The following TRPC5 variants were observed in gnomAD, a reference collection of about 807,000 sequenced individuals.
TRPC5 encodes the protein transient receptor potential cation channel subfamily C member 5, also known as short transient receptor potential channel 5.
A neutral mutation model predicts 56.5 loss-of-function variants in TRPC5; 9 were observed. That is an observed-to-expected ratio of 0.16 (90% CI 0.10 to 0.28). The LOEUF is 0.28. Among genes scored for constraint, TRPC5 ranks in the 10% least tolerant of loss-of-function variants. The pLI is 1.00. For synonymous variants in TRPC5, 282 were observed against 278.5 expected, an observed-to-expected ratio of 1.01 and a Z score of -0.13; for missense variants, 469 against 748.9, an observed-to-expected ratio of 0.63 and a Z score of 4.36.
rs1927204821 is a variant in TRPC5 at position 111,955,391 on chromosome X, G to T, written c.-21-2950C>A. Among the ~76,000 whole-genome samples the T allele has an allele frequency of 2.7e-5, 3 of 111,901 alleles. No individual in the cohort carries two copies. In the Admixed American group the frequency reaches 2.9e-4, roughly 11 times the overall value. On this transcript the variant is annotated intron_variant, in intron 1 of 10. Coordinates refer to ENST00000262839, the MANE Select transcript of TRPC5 (RefSeq NM_012471.3). The stretch of plus-strand genomic sequence containing the variant: ...ATATTAACATGAATTCCCTCATTAG[G>T]AACGTTGCTGTGACTTTGGAATTAA...
intron 7 of TRPC5, among the ~76,000 whole-genome samples, chrX:111,801,982 C>G (rs1921325671): frequency 9.0e-6 from 1 of 111,685 alleles, no homozygotes; most frequent in African/African-American, 3.3e-5. Flanking sequence ...AAGATTTACT[C>G]CTAGGTTTTC....
At chrX:111,979,888 G>A (rs1160158332) in intron 1 of TRPC5, among the ~76,000 whole-genome samples, 1 of 111,621 alleles carries the variant, frequency 9.0e-6, no homozygotes. Context: ...TGAAAAAATG[G>A]TACATCTTTG....
chrX:112,017,249 G>A (rs1382577645), intron 1 of TRPC5, among the ~76,000 whole-genome samples: 2 of 111,021 alleles, frequency 1.8e-5, no homozygotes, highest in East Asian at 2.8e-4. Context: ...TCTTGACCTC[G>A]TGATCCGCCC....
At chrX:112,054,199 A>G (rs191042577) in intron 1 of TRPC5, among the ~76,000 whole-genome samples, 1 of 112,056 alleles carries the variant, frequency 8.9e-6, no homozygotes, top group Admixed American at 9.5e-5. Context: ...AAGGTGGAGC[A>G]GAGGAATATG....
intron 3 of TRPC5, among the ~76,000 whole-genome samples, chrX:111,906,263 G>A (rs1341413652): frequency 9.2e-6 from 1 of 108,854 alleles, no homozygotes; most frequent in Non-Finnish European, 1.9e-5. Flanking sequence ...GCTGAGGCAT[G>A]AGAATAGCTT....
Position 111,779,035 on chromosome X carries a change from T to C in TRPC5, c.2182A>G (p.Met728Val). Reference protein sequence around the residue: ...RNLVKRYVAAMIRNSKTHEGL... With the variant: ...RNLVKRYVAAVIRNSKTHEGL... The stretch of plus-strand genomic sequence containing the variant: ...TCATGTGTTTTGGAATTTCTTATCA[T>C]AGCAGCCACATATCTTTTGACTAAA... The change falls in exon 10 of 11, where the codon ATG (methionine) becomes GTG (valine). Residue 728 changes from methionine to valine, a missense_variant. This residue lies in a region of TRPC5 where 194 missense variants were observed against 221.8 expected (regional missense o/e 0.87). Transcript: ENST00000262839. 1 of 1,205,452 alleles carries C rather than the reference T, an allele frequency of 8.3e-7. No individual in the cohort carries two copies. The highest frequency in any genetic ancestry group is 1.7e-5 in the African/African-American group (1 of 57,691).
intron 1 of TRPC5, among the ~76,000 whole-genome samples, chrX:112,023,614 G>A (rs900627532): frequency 9.0e-6 from 1 of 111,131 alleles, no homozygotes; most frequent in African/African-American, 3.3e-5. Flanking sequence ...CCTTGGACTT[G>A]GCTTGCCATT....
chrX:111,856,538 A>AAATAATAATAATAATAAT lies in TRPC5; in HGVS notation c.901-2450_901-2433dup, dbSNP rs750089190. 6.8e-3 allele frequency among the ~76,000 whole-genome samples: 647 copies of AAATAATAATAATAATAAT among 95,132 alleles called. 16 individuals carry two copies. Among genetic ancestry groups the AAATAATAATAATAATAAT allele is most frequent in the African/African-American group, 0.025 (560 of 22,527 alleles). 82.6% of individuals were successfully genotyped at this position (95,132 alleles called of 115,157 possible). On this transcript the variant is annotated intron_variant, in intron 3 of 10. Transcript: ENST00000262839. ...TGGGTAACAGAGTGAGCCCTGTCTC[A>AAATAATAATAATAATAAT]AATAATAATAATAATAATAATAATA...
chrX:111,859,485 C>T (rs1015614314), intron 3 of TRPC5, among the ~76,000 whole-genome samples: 21 of 112,264 alleles, frequency 1.9e-4, no homozygotes, highest in Admixed American at 1.5e-3. Flanking sequence ...CCTTTTAAAT[C>T]GGCTTTGATG....
intron 2 of TRPC5, among the ~76,000 whole-genome samples, chrX:111,944,361 A>C (rs6567995): frequency 0.25 from 26,819 of 105,742 alleles, 4,838 homozygotes; most frequent in African/African-American, 0.62. Context: ...GGTTTGAAAT[A>C]CAACCTGCAC....
chrX:111,998,564 G>T (rs891749191), intron 1 of TRPC5, among the ~76,000 whole-genome samples: 1 of 111,896 alleles, frequency 8.9e-6, no homozygotes, highest in African/African-American at 3.3e-5. Flanking sequence ...CAAAAAGTCA[G>T]CCCTCTGTAT....
At chrX:111,832,468 C>G (rs1343834922) in intron 7 of TRPC5, among the ~76,000 whole-genome samples, 1 of 111,867 alleles carries the variant, frequency 8.9e-6, no homozygotes, top group African/African-American at 3.3e-5. Flanking sequence ...AACCTTTCTC[C>G]CTATATCAAG....
At chrX:111,893,623 C>G (rs1048266267) in intron 3 of TRPC5, among the ~76,000 whole-genome samples, 10 of 111,878 alleles carry the variant, frequency 8.9e-5, no homozygotes, top group African/African-American at 3.2e-4. Flanking sequence ...TTTAAATTGA[C>G]CATAAGGACA....
intron 1 of TRPC5, among the ~76,000 whole-genome samples, chrX:111,954,518 G>A (rs1927177641): frequency 8.9e-6 from 1 of 111,822 alleles, no homozygotes. Flanking sequence ...TGATGGGTTG[G>A]GGGGAATGCA....
chrX:111,947,048 C>T (rs183885019), intron 2 of TRPC5, among the ~76,000 whole-genome samples: 9 of 111,540 alleles, frequency 8.1e-5, no homozygotes, highest in African/African-American at 2.9e-4. Context: ...TGAGGTGGAC[C>T]GAGTCAGGTC....
chrX:112,026,675 A>T (rs576878821), intron 1 of TRPC5, among the ~76,000 whole-genome samples: 1 of 110,933 alleles, frequency 9.0e-6, no homozygotes, highest in South Asian at 3.9e-4. Context: ...TTCAGTTCTT[A>T]TAGTCTATGC....
intron 1 of TRPC5, among the ~76,000 whole-genome samples, chrX:111,995,529 A>C (rs1603136350): frequency 1.8e-5 from 2 of 111,527 alleles, no homozygotes; most frequent in Non-Finnish European, 1.9e-5. Context: ...GAATAGTTTC[A>C]GAAGGAATGG....
intron 1 of TRPC5, among the ~76,000 whole-genome samples, chrX:112,072,558 CT>C (rs1261977265): frequency 9.0e-6 from 1 of 111,706 alleles, no homozygotes; most frequent in Non-Finnish European, 1.9e-5. Context: ...TTCTACCCTC[CT>C]ATCACCTCAC....
intron 7 of TRPC5, among the ~76,000 whole-genome samples, chrX:111,831,687 A>C: frequency 8.9e-6 from 1 of 112,055 alleles, no homozygotes; most frequent in Non-Finnish European, 1.9e-5. Context: ...TCAGCACTAA[A>C]GCAAATACTC....
Sources: allele counts gnomAD v4.1 joint callset (sites outside exome capture counted in the v4.1 genomes callset), GRCh38; gene constraint gnomAD v4.1.1; regional missense constraint gnomAD v4.1.1; transcripts MANE v1.5; gene names NCBI Gene and HGNC (gene_info 2026-07-23, HGNC 2026-07-21).